NOVA1: variants seen among roughly 807,000 people sequenced by gnomAD.
NOVA1 encodes NOVA alternative splicing regulator 1.
Under a neutral mutation model 38.0 loss-of-function variants are expected in NOVA1, and 7 were observed. The observed-to-expected ratio is 0.18, with a 90% CI of 0.10 to 0.35. NOVA1 has a LOEUF of 0.35. Ranked by LOEUF, NOVA1 falls within the 10% of genes least tolerant of loss-of-function variation. NOVA1 has a pLI of 1.00. For synonymous variants in NOVA1, 270 were observed against 232.5 expected (o/e 1.16, Z -1.47); for missense variants, 460 against 616.0 (o/e 0.75, Z 2.68).
At chr14:26,571,720 A>G (rs1892486381) in intron 2 of NOVA1, among the ~76,000 whole-genome samples, 1 of 152,196 alleles carries the variant, frequency 6.6e-6, no homozygotes, top group Non-Finnish European at 1.5e-5. Flanking sequence ...CCTATGAGAG[A>G]GCTACCATTT....
chr14:26,549,086 G>C (rs1594514600), intron 2 of NOVA1, among the ~76,000 whole-genome samples: 1 of 152,226 alleles, frequency 6.6e-6, no homozygotes, highest in East Asian at 1.9e-4. Context: ...AAGCCCAAGA[G>C]GTTGAGGCTG....
Position 26,542,487 on chromosome 14 carries a change from G to A in NOVA1, c.280+52923C>T, listed in dbSNP as rs547858203. Among the ~76,000 whole-genome samples, 4 of 151,878 alleles carry A rather than the reference G, an allele frequency of 2.6e-5. No homozygotes were observed. In the South Asian group the frequency reaches 8.3e-4, roughly 31 times the overall value. On this transcript the variant is annotated intron_variant, in intron 2 of 4. Transcript: ENST00000539517. ...TCTTGAGGAATGGCAGAAATTCGGT[G>A]CTGCATTTCAAATTGAGACAACTTA...
intron 2 of NOVA1, among the ~76,000 whole-genome samples, chr14:26,560,172 A>C (rs1891735869): frequency 6.6e-6 from 1 of 151,920 alleles, no homozygotes; most frequent in East Asian, 1.9e-4. Context: ...ATTTTTTAGC[A>C]CTCTTTAAAA....
At chr14:26,452,627 T>A (rs901821037) in intron 4 of NOVA1, among the ~76,000 whole-genome samples, 1 of 152,206 alleles carries the variant, frequency 6.6e-6, no homozygotes, top group Non-Finnish European at 1.5e-5. Context: ...ATGCTCTGGC[T>A]GAGAAAAATA....
chr14:26,466,737 T>G (rs1884173044), intron 4 of NOVA1, among the ~76,000 whole-genome samples: 1 of 152,142 alleles, frequency 6.6e-6, no homozygotes, highest in East Asian at 1.9e-4. Flanking sequence ...GGTGTTTAAT[T>G]CATGAGGACT....
In NOVA1 at chr14:26,448,862, A is replaced by G; in HGVS notation, c.621T>C (p.Leu207=). 1 of 1,614,132 alleles carries G rather than the reference A, an allele frequency of 6.2e-7. No individual in the cohort carries two copies. The highest frequency in any genetic ancestry group is 1.1e-5 in the South Asian group (1 of 91,080). ...AGTTGATCCCATCAGGTTTCTGGGA[A>G]AGCTGCACCCAAGCCCCTGACTGCT... ...VMEQSGAWVQ[L]SQKPDGINLQ... The change falls in exon 5 of 5, where the codon CTT becomes CTC. Residue 207 remains leucine (L), a synonymous_variant. Coordinates refer to ENST00000539517, the MANE Select transcript of NOVA1 (RefSeq NM_002515.3). The surrounding 1 kb of genome is among the most constrained non-coding windows in gnomAD (Gnocchi z 5.3).
intron 2 of NOVA1, among the ~76,000 whole-genome samples, chr14:26,487,531 C>A (rs1370911069): frequency 1.3e-5 from 2 of 151,980 alleles, no homozygotes; most frequent in Non-Finnish European, 1.5e-5. Flanking sequence ...CTCCAACTTA[C>A]ATGTATGGAA....
intron 2 of NOVA1, among the ~76,000 whole-genome samples, chr14:26,482,174 T>C (rs1317916809): frequency 1.3e-5 from 2 of 152,102 alleles, no homozygotes; most frequent in African/African-American, 2.4e-5. Flanking sequence ...ATTATGACTG[T>C]CTAAAGCTAA....
rs1253979729 is a variant in NOVA1, at chr14:26,480,111, T to C, written c.313A>G (p.Thr105Ala). 2 of 1,614,000 alleles carry C rather than the reference T, an allele frequency of 1.2e-6. No individual in the cohort carries two copies. The highest frequency in any genetic ancestry group is 2.2e-5 in the South Asian group (2 of 91,074). ...TGAACTGCATTCAGTGCTTCAACCG[T>C]TCCCTGGATCAAGCACACTCGCTCA... ...TTERVCLIQG[T>A]VEALNAVHGF... Residue 105 changes from threonine (T) to alanine (A), a missense_variant, in exon 3 of 5, where the codon ACG (threonine) becomes GCG (alanine). Coordinates refer to ENST00000539517, the MANE Select transcript of NOVA1 (RefSeq NM_002515.3).
intron 2 of NOVA1, among the ~76,000 whole-genome samples, 200 bp from the exon 3 acceptor site, chr14:26,480,343 A>G (rs1885361707): frequency 6.6e-6 from 1 of 152,154 alleles, no homozygotes; most frequent in Non-Finnish European, 1.5e-5. Flanking sequence ...TTTGGTCTCA[A>G]AAAGGGCATT....
At chr14:26,456,151 G>A (rs892289712) in intron 4 of NOVA1, among the ~76,000 whole-genome samples, 7 of 151,806 alleles carry the variant, frequency 4.6e-5, no homozygotes, top group African/African-American at 1.7e-4. Flanking sequence ...TATTTGAAAT[G>A]AAAACTAATG....
At chr14:26,510,673 T>C (rs1177639610) in intron 2 of NOVA1, among the ~76,000 whole-genome samples, 1 of 152,132 alleles carries the variant, frequency 6.6e-6, no homozygotes, top group Non-Finnish European at 1.5e-5. Flanking sequence ...CTGCTTTATC[T>C]GAACAACATT....
intron 2 of NOVA1, among the ~76,000 whole-genome samples, chr14:26,524,378 G>T (rs1375058859): frequency 6.6e-6 from 1 of 152,092 alleles, no homozygotes; most frequent in Non-Finnish European, 1.5e-5. Flanking sequence ...AGGCAAAAGA[G>T]TTTTCTTGTA....
intron 2 of NOVA1, among the ~76,000 whole-genome samples, chr14:26,547,379 C>A (rs1401875574): frequency 6.6e-6 from 1 of 151,974 alleles, no homozygotes; most frequent in African/African-American, 2.4e-5. Flanking sequence ...TTTGATTACA[C>A]AAGCAGTATA....
chr14:26,489,899 G>A (rs1442103856), intron 2 of NOVA1, among the ~76,000 whole-genome samples: 1 of 151,966 alleles, frequency 6.6e-6, no homozygotes, highest in Non-Finnish European at 1.5e-5. Context: ...CCATCTTTAG[G>A]TGTACAATTC....
At chr14:26,558,769 G>A (rs1374096358) in intron 2 of NOVA1, among the ~76,000 whole-genome samples, 1 of 152,010 alleles carries the variant, frequency 6.6e-6, no homozygotes, top group Non-Finnish European at 1.5e-5. Context: ...ATTTCAGAAA[G>A]CCAGATAATG....
chr14:26,562,035 T>G (rs1891861869), intron 2 of NOVA1, among the ~76,000 whole-genome samples: 1 of 152,194 alleles, frequency 6.6e-6, no homozygotes, highest in Non-Finnish European at 1.5e-5. Context: ...CATGTATTTG[T>G]GTATGCTGAA....
chr14:26,517,341 T>C (rs1211195353), intron 2 of NOVA1, among the ~76,000 whole-genome samples: 1 of 152,172 alleles, frequency 6.6e-6, no homozygotes, highest in Non-Finnish European at 1.5e-5. Context: ...ATACCGCTCC[T>C]CGGACAGGCC....
intron 4 of NOVA1, among the ~76,000 whole-genome samples, chr14:26,469,910 C>T (rs1360460283): frequency 2.0e-5 from 3 of 152,048 alleles, no homozygotes; most frequent in East Asian, 1.9e-4. Flanking sequence ...TTTTATAAGG[C>T]TTCTCATATA....
Sources: gnomAD v4.1 joint callset for allele counts (sites outside exome capture counted in the v4.1 genomes callset) on GRCh38, gnomAD v4.1.1 for gene constraint, Gnocchi (gnomAD v3.1) non-coding constraint, MANE v1.5 for transcripts, NCBI Gene and HGNC (gene_info 2026-07-23, HGNC 2026-07-21) for gene names.